FOXN3: variants seen among roughly 807,000 people sequenced by gnomAD.
FOXN3 encodes forkhead box N3.
Under a neutral mutation model 38.4 loss-of-function variants are expected in FOXN3, and 7 were observed. That is an observed-to-expected ratio of 0.18 (90% CI 0.10 to 0.34). FOXN3 has a LOEUF of 0.34. FOXN3 is among the 10% of genes least tolerant of loss of function. FOXN3 has a pLI of 1.00. For missense variants in FOXN3, 456 were observed against 613.4 expected, an observed-to-expected ratio of 0.74 and a Z score of 2.71; for synonymous variants, 230 against 242.2, an observed-to-expected ratio of 0.95 and a Z score of 0.47.
intron 4 of FOXN3, among the ~76,000 whole-genome samples, chr14:89,275,908 C>T (rs1886286147): frequency 6.6e-6 from 1 of 152,146 alleles, no homozygotes; most frequent in Non-Finnish European, 1.5e-5. Flanking sequence ...TCTAAGGCAA[C>T]ACAATCCTCC....
intron 2 of FOXN3, among the ~76,000 whole-genome samples, chr14:89,397,639 T>C (rs759705274): frequency 6.6e-5 from 10 of 151,916 alleles, no homozygotes; most frequent in Non-Finnish European, 1.3e-4. Context: ...TCAGCCTACC[T>C]TCCCAAACTT....
chr14:89,393,745 C>T lies in FOXN3; in HGVS notation c.543+18189G>A, dbSNP rs116885269. Among the ~76,000 whole-genome samples the T allele has an allele frequency of 1.1e-4, 16 of 152,338 alleles. No individual in the cohort carries two copies. In the East Asian group the frequency reaches 3.1e-3, roughly 29 times the overall value. ...ACCATCTGGCAATAAATCACACCTG[C>T]AGAGATGGCAGGCTTGTCCAGAGTG... On this transcript the variant is annotated intron_variant, in intron 2 of 5. Coordinates refer to ENST00000557258, the MANE Select transcript of FOXN3 (RefSeq NM_005197.4).
intron 1 of FOXN3, among the ~76,000 whole-genome samples, chr14:89,547,790 T>C (rs978932487): frequency 2.6e-5 from 4 of 152,226 alleles, no homozygotes; most frequent in Non-Finnish European, 5.9e-5. Flanking sequence ...TGAATGTTTG[T>C]TGAATGATCA....
At chr14:89,205,522 C>G (rs1023111759) in intron 4 of FOXN3, among the ~76,000 whole-genome samples, 9 of 152,222 alleles carry the variant, frequency 5.9e-5, no homozygotes, top group African/African-American at 2.2e-4. Flanking sequence ...AGCGGCTGGA[C>G]GTTAAGAGGA....
intron 3 of FOXN3, among the ~76,000 whole-genome samples, chr14:89,303,943 G>A (rs2139949905): frequency 6.6e-6 from 1 of 152,292 alleles, no homozygotes; most frequent in South Asian, 2.1e-4. Context: ...TTGAAGAAGA[G>A]ATTTACACAC....
chr14:89,336,249 T>TCCA (rs1395135679), intron 3 of FOXN3, among the ~76,000 whole-genome samples: 101 of 150,816 alleles, frequency 6.7e-4, no homozygotes, highest in South Asian at 3.2e-3. Flanking sequence ...CATCCATCCA[T>TCCA]TCATCCATCC....
chr14:89,391,515 C>T (rs1296231547), intron 2 of FOXN3, among the ~76,000 whole-genome samples: 1 of 152,154 alleles, frequency 6.6e-6, no homozygotes, highest in Admixed American at 6.5e-5. Context: ...GAACACGCTC[C>T]CCCAAACAAA....
intron 1 of FOXN3, among the ~76,000 whole-genome samples, chr14:89,485,024 C>T (rs939531000): frequency 1.3e-5 from 2 of 151,796 alleles, no homozygotes; most frequent in African/African-American, 4.8e-5. Flanking sequence ...TGGTGGTGGA[C>T]GTCTGTAGCC....
intron 2 of FOXN3, among the ~76,000 whole-genome samples, chr14:89,377,109 G>A (rs1168676096): frequency 7.1e-6 from 1 of 140,590 alleles, no homozygotes. Context: ...AAGGCAAGGT[G>A]AAAGACACCA....
intron 3 of FOXN3, among the ~76,000 whole-genome samples, chr14:89,331,984 T>G (rs1393994692): frequency 6.6e-6 from 1 of 152,188 alleles, no homozygotes; most frequent in Admixed American, 6.5e-5. Flanking sequence ...AGGAAATATC[T>G]TAATTTTGGC....
At chr14:89,416,277 A>C (rs1295906969) in intron 1 of FOXN3, among the ~76,000 whole-genome samples, 2 of 152,212 alleles carry the variant, frequency 1.3e-5, no homozygotes, top group Non-Finnish European at 2.9e-5. Context: ...CCCCATATAC[A>C]GGGCAATTGG....
intron 1 of FOXN3, among the ~76,000 whole-genome samples, chr14:89,603,621 A>G (rs12148034): frequency 0.53 from 80,298 of 152,104 alleles, 23,009 homozygotes; most frequent in Middle Eastern, 0.7. Flanking sequence ...TTCTGGTAGT[A>G]ATGGCAGAGT....
intron 1 of FOXN3, among the ~76,000 whole-genome samples, chr14:89,491,255 C>T (rs776166667): frequency 3.9e-5 from 6 of 152,148 alleles, no homozygotes; most frequent in Non-Finnish European, 7.4e-5. Context: ...GGATTACAGG[C>T]GTGAGCCACT....
Position 89,160,843 on chromosome 14 carries a change from C to A in FOXN3, c.*1571G>T, listed in dbSNP as rs1449402241. ...AATTTGTCCCTGAAGAAGGTTAAAC[C>A]TTAAACACCTGCTTCAAAAAACCAA... On this transcript the variant is annotated 3_prime_UTR_variant, in exon 6 of 6. Coordinates refer to ENST00000557258, the MANE Select transcript of FOXN3 (RefSeq NM_005197.4). The A allele has an allele frequency of 6.7e-6, 1 of 150,164 alleles. No individual in the cohort carries two copies. The highest frequency in any genetic ancestry group is 2.1e-4 in the South Asian group (1 of 4,710). The allele number at this position is 150,164 out of a possible 1,614,324, so 9.3% of individuals were successfully genotyped here.
At chr14:89,598,358 G>A (rs112578880) in intron 1 of FOXN3, among the ~76,000 whole-genome samples, 59 of 151,964 alleles carry the variant, frequency 3.9e-4, no homozygotes, top group African/African-American at 7.5e-4. Flanking sequence ...AGCCTTGATC[G>A]GGGATAATTT....
chr14:89,272,622 C>T (rs980460857), intron 4 of FOXN3, among the ~76,000 whole-genome samples: 1 of 152,138 alleles, frequency 6.6e-6, no homozygotes, highest in Non-Finnish European at 1.5e-5. Context: ...GAGGCTGAGG[C>T]GGGCAGATCA....
At chr14:89,279,545 C>T (rs920766020) in intron 4 of FOXN3, among the ~76,000 whole-genome samples, 4 of 152,150 alleles carry the variant, frequency 2.6e-5, no homozygotes, top group Non-Finnish European at 4.4e-5. Context: ...ACGCACATAA[C>T]TTTGAAACTC....
chr14:89,362,833 T>C (rs905142287), intron 2 of FOXN3, among the ~76,000 whole-genome samples: 17 of 128,138 alleles, frequency 1.3e-4, no homozygotes, highest in Non-Finnish European at 2.3e-4. Flanking sequence ...CAGGCCAGAA[T>C]GCAGACTTCA....
At position 89,580,909 on chromosome 14, in the gene FOXN3, G is replaced by A. The variant is rs1895726465; in HGVS notation, c.-15+38119C>T. On this transcript the variant is annotated intron_variant, in intron 1 of 6. Coordinates refer to the FOXN3 transcript ENST00000345097. ...AGAGAATAGGGGGAAATGGCCAGGTGTGTTGGCTCATGCCTGTAATCCCAG... is the reference window on the plus strand; with the variant it reads ...AGAGAATAGGGGGAAATGGCCAGGTATGTTGGCTCATGCCTGTAATCCCAG... Among the ~76,000 whole-genome samples the A allele has an allele frequency of 2.6e-5, 4 of 152,238 alleles. No individual in the cohort carries two copies. The South Asian group carries it at 8.3e-4, about 32-fold the overall frequency.
Sources: gnomAD v4.1 joint callset for allele counts (sites outside exome capture counted in the v4.1 genomes callset) on GRCh38, gnomAD v4.1.1 for gene constraint, MANE v1.5 for transcripts, NCBI Gene and HGNC (gene_info 2026-07-23, HGNC 2026-07-21) for gene names.